The following GPC5 variants were observed in gnomAD, a reference collection of about 807,000 sequenced individuals.
GPC5 encodes the protein glypican 5, also known as glypican-5.
GPC5 carries 47 observed loss-of-function variants against 53.9 expected under a neutral mutation model. That is an observed-to-expected ratio of 0.87 (90% CI 0.69 to 1.11). The LOEUF is 1.11. Among genes scored for constraint, GPC5 ranks in the 50% most tolerant of loss-of-function variants. The pLI is 0.00. For missense variants in GPC5, 748 were observed against 713.1 expected (o/e 1.05, Z -0.56); for synonymous variants, 286 against 263.3 (o/e 1.09, Z -0.84).
At chr13:92,732,457 G>A (rs778651449) in intron 7 of GPC5, among the ~76,000 whole-genome samples, 7 of 151,394 alleles carry the variant, frequency 4.6e-5, no homozygotes, top group Non-Finnish European at 1.0e-4. Flanking sequence ...CCACTAAATT[G>A]TATCCAATAT....
At chr13:91,452,455 A>G (rs1308851481) in intron 2 of GPC5, among the ~76,000 whole-genome samples, 1 of 152,164 alleles carries the variant, frequency 6.6e-6, no homozygotes, top group East Asian at 1.9e-4. Context: ...TGGCTTTGTC[A>G]CAGTGCAAAC....
chr13:91,521,791 G>A (rs994028091), intron 2 of GPC5, among the ~76,000 whole-genome samples: 7 of 152,134 alleles, frequency 4.6e-5, no homozygotes, highest in Non-Finnish European at 8.8e-5. Context: ...CAAAAGGTGA[G>A]GGCTCAGTCC....
intron 7 of GPC5, among the ~76,000 whole-genome samples, chr13:92,314,269 A>C (rs2043164247): frequency 6.6e-6 from 1 of 152,010 alleles, no homozygotes; most frequent in African/African-American, 2.4e-5. Context: ...TCAGTTTCTT[A>C]CACCTTCTAG....
chr13:92,841,536 G>T (rs901634954), intron 7 of GPC5, among the ~76,000 whole-genome samples: 1 of 152,016 alleles, frequency 6.6e-6, no homozygotes, highest in Non-Finnish European at 1.5e-5. Context: ...CTGACTCCAA[G>T]ATAGCATTTC....
In GPC5 at chr13:92,005,315, G is replaced by A. The variant is rs538156848; in HGVS notation, c.1401+97258G>A. 3.2e-3 allele frequency among the ~76,000 whole-genome samples: 486 copies of A among 152,204 alleles called. 3 individuals carry two copies. The highest frequency in any genetic ancestry group is 0.011 in the African/African-American group (461 of 41,554). On this transcript the variant is annotated intron_variant, in intron 6 of 7. Coordinates refer to ENST00000377067, the MANE Select transcript of GPC5 (RefSeq NM_004466.6). Reference sequence around the variant, plus strand: ...TACACTACTTTGGCCTTTTATCCACGTTTAAATCTGTTGTGACTAGAAGCT... The same window carrying A: ...TACACTACTTTGGCCTTTTATCCACATTTAAATCTGTTGTGACTAGAAGCT...
chr13:92,236,504 G>A (rs2139108611), intron 7 of GPC5, among the ~76,000 whole-genome samples: 1 of 152,172 alleles, frequency 6.6e-6, no homozygotes, highest in Middle Eastern at 3.4e-3. Flanking sequence ...AGGTGAAATT[G>A]TGGAACTGTA....
intron 7 of GPC5, among the ~76,000 whole-genome samples, chr13:92,797,819 T>TGATTGATAGATAGATA (rs370132561): frequency 7.0e-6 from 1 of 143,494 alleles, no homozygotes; most frequent in African/African-American, 2.6e-5. Context: ...ATTCAAGGGA[T>TGATTGATAGATAGATA]GATAGATAGA....
chr13:92,232,578 G>T (rs2042538874), intron 7 of GPC5, among the ~76,000 whole-genome samples: 1 of 152,166 alleles, frequency 6.6e-6, no homozygotes, highest in African/African-American at 2.4e-5. Context: ...TTTCTTAACA[G>T]AAATTGTTTT....
chr13:92,286,820 C>T (rs1304324812), intron 7 of GPC5, among the ~76,000 whole-genome samples: 1 of 151,896 alleles, frequency 6.6e-6, no homozygotes, highest in Non-Finnish European at 1.5e-5. Context: ...ACCAACATGG[C>T]ACATGTATAC....
intron 7 of GPC5, among the ~76,000 whole-genome samples, chr13:92,812,372 T>C (rs1877327363): frequency 6.6e-6 from 1 of 151,928 alleles, no homozygotes; most frequent in Admixed American, 6.6e-5. Context: ...GTATTGTTCA[T>C]TGGTAGTATA....
intron 7 of GPC5, among the ~76,000 whole-genome samples, chr13:92,666,428 G>A (rs1886567320): frequency 6.6e-6 from 1 of 152,098 alleles, no homozygotes; most frequent in Admixed American, 6.6e-5. Flanking sequence ...GCAATTGCAT[G>A]TTTCTGCTGG....
chr13:92,704,215 A>C (rs996073463), intron 7 of GPC5, among the ~76,000 whole-genome samples: 3 of 152,042 alleles, frequency 2.0e-5, no homozygotes, highest in Non-Finnish European at 4.4e-5. Context: ...TTTATGTTTC[A>C]AAAATAACCC....
At chr13:92,857,714 A>G (rs772708849) in intron 7 of GPC5, among the ~76,000 whole-genome samples, 1 of 152,176 alleles carries the variant, frequency 6.6e-6, no homozygotes, top group Non-Finnish European at 1.5e-5. Flanking sequence ...AAACATATGA[A>G]AAAAATGCTT....
intron 6 of GPC5, among the ~76,000 whole-genome samples, chr13:92,010,527 C>T (rs187708347): frequency 1.3e-5 from 2 of 152,280 alleles, no homozygotes; most frequent in East Asian, 1.9e-4. Flanking sequence ...TATATTGAAG[C>T]ACTAAGCCCC....
At chr13:92,209,543 A>C (rs181910403) in intron 7 of GPC5, among the ~76,000 whole-genome samples, 54 of 152,300 alleles carry the variant, frequency 3.5e-4, no homozygotes, top group African/African-American at 1.3e-3. Context: ...TAACATCCAC[A>C]GAAGGCCTAA....
intron 2 of GPC5, among the ~76,000 whole-genome samples, chr13:91,475,121 T>C (rs1413951239): frequency 6.6e-6 from 1 of 152,214 alleles, no homozygotes; most frequent in East Asian, 1.9e-4. Context: ...TTTTTTTCCC[T>C]AATTATGAGG....
chr13:91,660,110 C>T (rs1427437029), intron 2 of GPC5, among the ~76,000 whole-genome samples: 1 of 152,124 alleles, frequency 6.6e-6, no homozygotes, highest in African/African-American at 2.4e-5. Context: ...TTAGGGGAAA[C>T]ATGTTTGGGT....
At chr13:92,519,935 G>C (rs1040815418) in intron 7 of GPC5, among the ~76,000 whole-genome samples, 1 of 152,054 alleles carries the variant, frequency 6.6e-6, no homozygotes, top group African/African-American at 2.4e-5. Context: ...AATAAAAAAT[G>C]ATAAAGGGGA....
At chr13:92,480,918 A>G (rs1879325548) in intron 7 of GPC5, among the ~76,000 whole-genome samples, 1 of 152,146 alleles carries the variant, frequency 6.6e-6, no homozygotes, top group African/African-American at 2.4e-5. Context: ...AGAAAGACTC[A>G]CCTAGCGATT....
Sources: gnomAD v4.1 joint callset for allele counts (sites outside exome capture counted in the v4.1 genomes callset) on GRCh38, gnomAD v4.1.1 for gene constraint, MANE v1.5 for transcripts, NCBI Gene and HGNC (gene_info 2026-07-23, HGNC 2026-07-21) for gene names.